NNT: variants seen among roughly 807,000 people sequenced by gnomAD.
NNT encodes nicotinamide nucleotide transhydrogenase.
Under a neutral mutation model 104.8 loss-of-function variants are expected in NNT, and 50 were observed. The observed-to-expected ratio is 0.48, with a 90% CI of 0.38 to 0.60. The LOEUF is 0.60. Among genes scored for constraint, NNT ranks in the 20% least tolerant of loss-of-function variants. The probability of loss-of-function intolerance (pLI) is 0.00; values close to 1 mark genes in which losing one functional copy is unlikely to be tolerated. For synonymous variants in NNT, 461 were observed against 490.4 expected, an observed-to-expected ratio of 0.94 and a Z score of 0.79; for missense variants, 1,131 against 1,330.7, an observed-to-expected ratio of 0.85 and a Z score of 2.33.
At chr5:43,673,018 C>T (rs561172061) in intron 17 of NNT, among the ~76,000 whole-genome samples, 6 of 152,342 alleles carry the variant, frequency 3.9e-5, no homozygotes, top group African/African-American at 1.4e-4. Context: ...TGCCACCTTG[C>T]AGTTCGATCT....
At chr5:43,670,865 C>G (rs1457310126) in intron 17 of NNT, among the ~76,000 whole-genome samples, 1 of 152,080 alleles carries the variant, frequency 6.6e-6, no homozygotes, top group African/African-American at 2.4e-5. Flanking sequence ...ATTGAGCTGT[C>G]TAATGTTGAC....
At chr5:43,694,054 T>C (rs113379888) in intron 19 of NNT, among the ~76,000 whole-genome samples, 353 of 152,330 alleles carry the variant, frequency 2.3e-3, no homozygotes, top group African/African-American at 8.1e-3. Context: ...TGTGGAATTT[T>C]GTAATGTTCC....
At position 43,704,726 on chromosome 5, in the gene NNT, G is replaced by A. The variant is rs1168889254; in HGVS notation, c.*322G>A. 1 of 219,754 alleles carries A rather than the reference G, an allele frequency of 4.6e-6. No individual in the cohort carries two copies. The highest frequency in any genetic ancestry group is 9.0e-6 in the Non-Finnish European group (1 of 110,730). 13.6% of individuals were successfully genotyped at this position (219,754 alleles called of 1,614,324 possible). On this transcript the variant is annotated 3_prime_UTR_variant, in exon 22 of 22. Coordinates refer to ENST00000344920, the MANE Select transcript of NNT (RefSeq NM_182977.3). ...ATTTTTTATGCCTCCTCAGTAACCAGAAATGTTTTAAAAAACTAAGTGTTT... is the reference window on the plus strand; with the variant it reads ...ATTTTTTATGCCTCCTCAGTAACCAAAAATGTTTTAAAAAACTAAGTGTTT...
chr5:43,691,070 A>AGAGAGAGAGAGTGTGT (rs1245517310), intron 19 of NNT, among the ~76,000 whole-genome samples: 248 of 137,496 alleles, frequency 1.8e-3, no homozygotes, highest in African/African-American at 6.0e-3. Context: ...TTTTTGAGAG[A>AGAGAGAGAGAGTGTGT]GTGTGTGTGT....
intron 7 of NNT, among the ~76,000 whole-genome samples, chr5:43,634,480 TATG>T (rs1413783096): frequency 2.6e-5 from 4 of 152,224 alleles, no homozygotes; most frequent in Non-Finnish European, 4.4e-5. Context: ...CTGTATGCAT[TATG>T]ATCATAAAGG....
At chr5:43,638,448 G>T (rs991061726) in intron 7 of NNT, among the ~76,000 whole-genome samples, 2 of 152,112 alleles carry the variant, frequency 1.3e-5, no homozygotes, top group Non-Finnish European at 2.9e-5. Flanking sequence ...GGTTCTTACT[G>T]TGTAAATGAT....
chr5:43,653,296 A>C, intron 14 of NNT, 83 bp downstream of exon 14: 2 of 1,304,144 alleles, frequency 1.5e-6, no homozygotes, highest in Non-Finnish European at 2.1e-6. Context: ...TGAAATAATT[A>C]AATTTTGTTC....
chr5:43,681,911 T>C (rs965337276), intron 19 of NNT, among the ~76,000 whole-genome samples: 2 of 152,212 alleles, frequency 1.3e-5, no homozygotes, highest in Non-Finnish European at 2.9e-5. Context: ...GATAGTATGC[T>C]AAGACAAGTA....
intron 17 of NNT, among the ~76,000 whole-genome samples, chr5:43,665,794 C>T (rs186455455): frequency 0.015 from 1,435 of 95,242 alleles, 296 homozygotes; most frequent in Non-Finnish European, 0.028. Flanking sequence ...ACTTCCCAGA[C>T]GGGGCAGCCA....
At chr5:43,661,170 G>A (rs1740336056) in intron 17 of NNT, among the ~76,000 whole-genome samples, 1 of 152,126 alleles carries the variant, frequency 6.6e-6, no homozygotes, top group Admixed American at 6.5e-5. Context: ...AAAGGTGAAG[G>A]TTTATGTATC....
intron 1 of NNT, among the ~76,000 whole-genome samples, chr5:43,606,261 G>A (rs1356972748): frequency 1.3e-5 from 2 of 152,140 alleles, no homozygotes; most frequent in Non-Finnish European, 2.9e-5. Flanking sequence ...GGGTAAGTGG[G>A]GAGGTTGGGA....
intron 19 of NNT, among the ~76,000 whole-genome samples, chr5:43,691,070 AGTGTGTGTGTGTGTGTGTGT>A (rs56075202): frequency 2.2e-5 from 3 of 137,502 alleles, no homozygotes; most frequent in East Asian, 4.4e-4. Context: ...TTTTTGAGAG[AGTGTGTGTGTGTGTGTGTGT>A]GTGTGTGTGT....
intron 19 of NNT, among the ~76,000 whole-genome samples, chr5:43,695,691 C>A (rs1049604451): frequency 6.6e-6 from 1 of 152,176 alleles, no homozygotes; most frequent in Non-Finnish European, 1.5e-5. Flanking sequence ...TAAAGACTTA[C>A]GTGAGATTGG....
chr5:43,638,396 A>G (rs1034429058), intron 7 of NNT, among the ~76,000 whole-genome samples: 1 of 152,170 alleles, frequency 6.6e-6, no homozygotes. Context: ...TACTGAGTAG[A>G]TACTAACAAT....
chr5:43,705,522 C>T lies in NNT; in HGVS notation c.*1118C>T, dbSNP rs890817847. 4.6e-5 allele frequency: 7 copies of T among 151,060 alleles called. No homozygotes were observed. The highest frequency in any genetic ancestry group is 1.5e-4 in the African/African-American group (6 of 41,062). The allele number at this position is 151,060 out of a possible 1,614,324, so 9.4% of individuals were successfully genotyped here. Reference sequence around the variant, plus strand: ...TAGATTTTCTTTGTGACTTTGCTATCGTGCCTAAAGCTCTAAATATAGGTG... The same window carrying T: ...TAGATTTTCTTTGTGACTTTGCTATTGTGCCTAAAGCTCTAAATATAGGTG... On this transcript the variant is annotated 3_prime_UTR_variant, in exon 22 of 22. Coordinates refer to ENST00000344920, the MANE Select transcript of NNT (RefSeq NM_182977.3).
chr5:43,640,987 C>T (rs974849378), intron 7 of NNT, among the ~76,000 whole-genome samples: 4 of 151,524 alleles, frequency 2.6e-5, no homozygotes, highest in Admixed American at 2.6e-4. Context: ...TTTGTCTTTT[C>T]TTTCATTTTA....
intron 19 of NNT, among the ~76,000 whole-genome samples, chr5:43,698,920 T>C (rs1742705698): frequency 6.7e-6 from 1 of 150,356 alleles, no homozygotes; most frequent in African/African-American, 2.5e-5. Flanking sequence ...ATATATGTAG[T>C]CTAGTAATGG....
chr5:43,626,384 C>T (rs757210232), intron 6 of NNT, among the ~76,000 whole-genome samples: 1 of 152,014 alleles, frequency 6.6e-6, no homozygotes, highest in South Asian at 2.1e-4. Context: ...TTTGATATCT[C>T]AGGGGGATCA....
At position 43,704,351 on chromosome 5, in the gene NNT, A is replaced by C; in HGVS notation, c.3208A>C (p.Lys1070Gln). 6 of 1,613,802 alleles carry C rather than the reference A, an allele frequency of 3.7e-6. No individual in the cohort carries two copies. Among genetic ancestry groups the C allele is most frequent in the Non-Finnish European group, 5.1e-6 (6 of 1,179,792 alleles). The change falls in exon 22 of 22, where the codon AAG becomes CAG. Residue 1070 changes from lysine (K) to glutamine (Q), a missense_variant. Coordinates refer to ENST00000344920, the MANE Select transcript of NNT (RefSeq NM_182977.3). ...PNTAMLLGDA[K>Q]KTCDALQAKV... is the part of the protein sequence containing the mutation. ...CACGGCCATGCTTCTAGGTGATGCC[A>C]AGAAAACATGTGACGCGCTCCAGGC...
Sources: allele counts gnomAD v4.1 joint callset (sites outside exome capture counted in the v4.1 genomes callset), GRCh38; gene constraint gnomAD v4.1.1; transcripts MANE v1.5; gene names NCBI Gene and HGNC (gene_info 2026-07-23, HGNC 2026-07-21).